DLG1: variants seen among roughly 807,000 people sequenced by gnomAD.
DLG1 encodes disks large homolog 1.
In DLG1, 42 loss-of-function variants were observed where a neutral mutation model predicts 123.4. The observed-to-expected ratio is 0.34, with a 90% CI of 0.27 to 0.44. The LOEUF is 0.44. Ranked by LOEUF, DLG1 falls within the 20% of genes least tolerant of loss-of-function variation. DLG1 has a pLI of 1.00. For synonymous variants in DLG1, 317 were observed against 356.2 expected, an observed-to-expected ratio of 0.89 and a Z score of 1.24; for missense variants, 942 against 1,082.6, an observed-to-expected ratio of 0.87 and a Z score of 1.82.
At chr3:197,105,044 T>G in intron 13 of DLG1, 39 bp from the exon 14 acceptor site, 1 of 1,336,970 alleles carries the variant, frequency 7.5e-7, no homozygotes, top group Non-Finnish European at 1.1e-6. Flanking sequence ...GAGAAAAGAA[T>G]CACTGTGATT....
At chr3:197,176,259 T>C (rs777742023) in intron 5 of DLG1, among the ~76,000 whole-genome samples, 61 of 152,060 alleles carry the variant, frequency 4.0e-4, no homozygotes, top group Non-Finnish European at 8.2e-4. Flanking sequence ...AAACTATCCA[T>C]AATCAACACC....
At chr3:197,086,302 G>A (rs1754309391) in intron 15 of DLG1, among the ~76,000 whole-genome samples, 1 of 152,128 alleles carries the variant, frequency 6.6e-6, no homozygotes, top group Non-Finnish European at 1.5e-5. Flanking sequence ...TTTAACAGCT[G>A]CCAAATATTT....
intron 5 of DLG1, among the ~76,000 whole-genome samples, chr3:197,180,758 A>G (rs1164230167): frequency 6.6e-6 from 1 of 152,068 alleles, no homozygotes; most frequent in African/African-American, 2.4e-5. Flanking sequence ...AAGGCAGTGG[A>G]AAAGGAGATG....
At chr3:197,249,528 TA>T (rs201682895) in intron 4 of DLG1, among the ~76,000 whole-genome samples, 5 of 150,080 alleles carry the variant, frequency 3.3e-5, no homozygotes, top group Admixed American at 6.6e-5. Context: ...TCAAACTCTT[TA>T]AAAAAAAAAT....
At chr3:197,069,391 GAA>G in intron 18 of DLG1, 131 bp from the exon 19 acceptor site, 1 of 517,812 alleles carries the variant, frequency 1.9e-6, no homozygotes, top group Non-Finnish European at 3.3e-6. Context: ...CTTTTTCTTT[GAA>G]ACGTTTAAGT....
upstream of DLG1, chr3:197,298,976 A>G (rs1359508404): frequency 6.3e-6 from 1 of 158,860 alleles, no homozygotes; most frequent in East Asian, 1.8e-4. Flanking sequence ...ATTTCCCTCA[A>G]GCCTGCGTCC....
At chr3:197,109,394 T>A (rs1434135280) in intron 13 of DLG1, among the ~76,000 whole-genome samples, 1 of 152,150 alleles carries the variant, frequency 6.6e-6, no homozygotes, top group Non-Finnish European at 1.5e-5. Flanking sequence ...CAAACAAACA[T>A]TTTATAAGAA....
At chr3:197,251,849 G>A (rs1305658839) in intron 4 of DLG1, among the ~76,000 whole-genome samples, 1 of 152,082 alleles carries the variant, frequency 6.6e-6, no homozygotes, top group East Asian at 1.9e-4. Flanking sequence ...ATTTTAAAAT[G>A]GGCACATTTA....
At chr3:197,079,430 G>A (rs917840769) in intron 17 of DLG1, among the ~76,000 whole-genome samples, 2 of 152,246 alleles carry the variant, frequency 1.3e-5, no homozygotes, top group African/African-American at 2.4e-5. Flanking sequence ...AATGGCAAGC[G>A]TATTTTCACC....
rs1402790669 is a variant in DLG1 at position 197,068,125 on chromosome 3, G to A, written c.2047+1094C>T. Among the ~76,000 whole-genome samples, 8 of 152,128 alleles carry A rather than the reference G, an allele frequency of 5.3e-5. No homozygotes were observed. In the East Asian group the frequency reaches 1.5e-3, roughly 29 times the overall value. ...TTTTCTGTTTTAGAAGTATTTCTTT[G>A]TTTTCAATTTTATTATCAAAGTACA... On this transcript the variant is annotated intron_variant, in intron 19 of 24. Coordinates refer to ENST00000667157, the MANE Select transcript of DLG1 (RefSeq NM_001366207.1).
At chr3:197,113,298 A>C (rs1171522513) in intron 13 of DLG1, among the ~76,000 whole-genome samples, 1 of 152,200 alleles carries the variant, frequency 6.6e-6, no homozygotes, top group Non-Finnish European at 1.5e-5. Flanking sequence ...ACATGAAGTA[A>C]GAAATGAGAT....
chr3:197,105,462 A>G (rs188342683), intron 13 of DLG1, among the ~76,000 whole-genome samples: 1 of 152,330 alleles, frequency 6.6e-6, no homozygotes, highest in Admixed American at 6.5e-5. Flanking sequence ...GTACAAACTA[A>G]AACTTCCATT....
chr3:197,102,033 A>T (rs1209402601), intron 14 of DLG1, among the ~76,000 whole-genome samples: 1 of 152,214 alleles, frequency 6.6e-6, no homozygotes, highest in East Asian at 1.9e-4. Context: ...CTGGGATTAG[A>T]GGCCTGAGCC....
chr3:197,172,981 C>T (rs1378763594), intron 5 of DLG1, among the ~76,000 whole-genome samples: 1 of 152,134 alleles, frequency 6.6e-6, no homozygotes, highest in Non-Finnish European at 1.5e-5. Context: ...CTCTGAGGTT[C>T]CACTAATTTC....
chr3:197,099,000 A>C (rs1296139895), intron 14 of DLG1, among the ~76,000 whole-genome samples: 1 of 152,206 alleles, frequency 6.6e-6, no homozygotes, highest in Non-Finnish European at 1.5e-5. Flanking sequence ...TAGTCCTATC[A>C]GTCTCCACAT....
intron 4 of DLG1, among the ~76,000 whole-genome samples, chr3:197,251,382 T>C (rs1397852086): frequency 2.6e-5 from 4 of 152,132 alleles, no homozygotes; most frequent in Non-Finnish European, 4.4e-5. Context: ...ATCACGCTAC[T>C]TGACTTCAAA....
At chr3:197,216,583 A>ATC (rs1318872873) in intron 4 of DLG1, among the ~76,000 whole-genome samples, 1 of 152,202 alleles carries the variant, frequency 6.6e-6, no homozygotes, top group Admixed American at 6.5e-5. Flanking sequence ...AAAGACTGTT[A>ATC]GAGACTCAGG....
intron 11 of DLG1, among the ~76,000 whole-genome samples, chr3:197,122,110 T>A (rs1776733705): frequency 6.6e-6 from 1 of 151,942 alleles, no homozygotes; most frequent in African/African-American, 2.4e-5. Flanking sequence ...TATAAGCAGT[T>A]CAAAATCAAT....
At position 197,042,620 on chromosome 3, in the gene DLG1, A is replaced by G. The variant is rs1284719825; in HGVS notation, c.*2003T>C. On this transcript the variant is annotated 3_prime_UTR_variant, in exon 25 of 25. Transcript: ENST00000667157. The stretch of plus-strand genomic sequence containing the variant: ...AATGGCATCCTTTTATAACCACTTG[A>G]TATTTTACAACATGTGACTATTTGG... 1 of 152,226 alleles carries G rather than the reference A, an allele frequency of 6.6e-6. No homozygotes were observed. The highest frequency in any genetic ancestry group is 2.4e-5 in the African/African-American group (1 of 41,450). 9.4% of individuals were successfully genotyped at this position (152,226 alleles called of 1,614,324 possible).
Sources: allele counts gnomAD v4.1 joint callset (sites outside exome capture counted in the v4.1 genomes callset), GRCh38; gene constraint gnomAD v4.1.1; transcripts MANE v1.5; gene names NCBI Gene and HGNC (gene_info 2026-07-23, HGNC 2026-07-21).